STAT5A: variants seen among roughly 807,000 people sequenced by gnomAD.
STAT5A encodes the protein epididymis secretory sperm binding protein.
Under a neutral mutation model 100.2 loss-of-function variants are expected in STAT5A, and 26 were observed. That is an observed-to-expected ratio of 0.26 (90% CI 0.19 to 0.36). The LOEUF (loss-of-function observed/expected upper bound fraction) is 0.36, where lower values mean the gene tolerates loss of function less well. Ranked by LOEUF, STAT5A falls within the 10% of genes least tolerant of loss-of-function variation. The probability of loss-of-function intolerance (pLI) is 1.00; values close to 1 mark genes in which losing one functional copy is unlikely to be tolerated. For synonymous variants in STAT5A, 330 were observed against 424.3 expected (o/e 0.78, Z 2.73); for missense variants, 634 against 1,027.5 (o/e 0.62, Z 5.24).
chr17:42,309,514 G>A (rs768446298), intron 18 of STAT5A, 30 bp downstream of exon 18: 1 of 1,605,112 alleles, frequency 6.2e-7, no homozygotes, highest in South Asian at 1.1e-5. Context: ...GGTCCGCAGG[G>A]GAAGAACTGG....
Position 42,305,615 on chromosome 17 carries a change from G to A in STAT5A, c.1386G>A (p.Leu462=), listed in dbSNP as rs1414496377. The A allele has an allele frequency of 8.7e-6, 14 of 1,614,172 alleles. No homozygotes were observed. The highest frequency in any genetic ancestry group is 6.7e-5 in the African/African-American group (5 of 75,052). ...GGTTCCTTTGACTCCTGTAGACTCT[G>A]TCCCTACCTGTGGTTGTCATCGTCC... ...SNELVFQVKT[L]SLPVVVIVHG... Residue 462 remains leucine, a synonymous_variant, in exon 12 of 19, where the codon CTG becomes CTA. Coordinates refer to ENST00000590949, the MANE Select transcript of STAT5A (RefSeq NM_001288718.2).
intron 5 of STAT5A, 109 bp downstream of exon 5, chr17:42,295,902 C>T (rs2080914378): frequency 1.3e-6 from 2 of 1,501,428 alleles, no homozygotes; most frequent in African/African-American, 2.8e-5. Flanking sequence ...GCACTTTGCC[C>T]AAAGCCTGGT....
intron 3 of STAT5A, among the ~76,000 whole-genome samples, chr17:42,291,641 G>A (rs528982587): frequency 5.9e-5 from 9 of 152,078 alleles, no homozygotes; most frequent in East Asian, 3.9e-4. Context: ...GCTTGAACCC[G>A]GGAGGTGGAG....
rs1169943399 is a variant in STAT5A, at chr17:42,302,659, C to T, written c.1169+1205C>T. ...ATTAAAAATGTTTACTGAGGCTGGG[C>T]GAGGTGGCTCACGCCTGTAATCCCA... On this transcript the variant is annotated intron_variant, in intron 9 of 18. Transcript: ENST00000590949. Among the ~76,000 whole-genome samples the T allele has an allele frequency of 1.2e-4, 18 of 152,150 alleles. 1 individual carries two copies. Among genetic ancestry groups the T allele is most frequent in the Admixed American group, 1.1e-3 (17 of 15,272 alleles).
chr17:42,310,229 T>C (rs529453056), intron 18 of STAT5A, among the ~76,000 whole-genome samples: 1 of 152,396 alleles, frequency 6.6e-6, no homozygotes, highest in Admixed American at 6.5e-5. Flanking sequence ...CAGAGCCCAC[T>C]GTGTCAGCCA....
At chr17:42,298,250 C>T (rs1477162155) in intron 5 of STAT5A, among the ~76,000 whole-genome samples, 6 of 151,618 alleles carry the variant, frequency 4.0e-5, no homozygotes, top group Non-Finnish European at 7.4e-5. Context: ...CAACCTTTAA[C>T]CCCGGGTTCA....
At position 42,310,493 on chromosome 17, in the gene STAT5A, CCT is replaced by C. The variant is rs780571788; in HGVS notation, c.2223-13_2223-12del. On this transcript the variant is annotated splice_polypyrimidine_tract_variant and intron_variant, in intron 18 of 18. Coordinates refer to ENST00000590949, the MANE Select transcript of STAT5A (RefSeq NM_001288718.2). ...ACATGCCAGCTCCCTCTGACATCCC[CCT>C]GTCTTTACCAGCCCTGACCATGTAC... is the stretch of plus-strand genomic sequence containing the variant. 4.0e-5 allele frequency: 65 copies of C among 1,613,890 alleles called. No individual in the cohort carries two copies. The highest frequency in any genetic ancestry group is 1.6e-4 in the Middle Eastern group (1 of 6,084).
At chr17:42,310,418 TGAGTG>T in intron 18 of STAT5A, 84 bp from the exon 19 acceptor site, 1 of 1,455,360 alleles carries the variant, frequency 6.9e-7, no homozygotes, top group Non-Finnish European at 9.5e-7. Flanking sequence ...GAGACGGGTT[TGAGTG>T]GAGAGCAGGC....
intron 7 of STAT5A, 24 bp from the exon 8 acceptor site, chr17:42,300,691 G>A (rs368411648): frequency 5.0e-6 from 8 of 1,613,704 alleles, no homozygotes; most frequent in East Asian, 2.2e-5. Context: ...TTGTCCTCCT[G>A]TTGGCCTTGG....
chr17:42,298,969 A>G (rs8068688), intron 5 of STAT5A, among the ~76,000 whole-genome samples: 32,804 of 150,210 alleles, frequency 0.22, 5,973 homozygotes, highest in African/African-American at 0.49. Context: ...CGGTCTGTCT[A>G]TCTGTCTGTC....
rs74875201 is a variant in STAT5A at position 42,288,996 on chromosome 17, G to C, written c.-11+398G>C. On this transcript the variant is annotated intron_variant, in intron 1 of 18. Coordinates refer to ENST00000590949, the MANE Select transcript of STAT5A (RefSeq NM_001288718.2). The surrounding 1 kb of genome is among the most constrained non-coding windows in gnomAD (Gnocchi z 4.8). ...GCCGTCGTGGCGCTGGCCTAACTTC[G>C]GGTTGGAATATCTCCCCTTCCCAGA... Among the ~76,000 whole-genome samples the C allele has an allele frequency of 1.3e-5, 2 of 152,222 alleles. No individual in the cohort carries two copies. The highest frequency in any genetic ancestry group is 4.8e-5 in the African/African-American group (2 of 41,460).
intron 4 of STAT5A, among the ~76,000 whole-genome samples, 173 bp downstream of exon 4, chr17:42,292,234 C>T (rs1036894170): frequency 6.6e-6 from 1 of 152,180 alleles, no homozygotes; most frequent in Admixed American, 6.5e-5. Flanking sequence ...GAGTGACCCC[C>T]TGGATCCAGT....
rs780375123 is a variant in STAT5A at position 42,289,452 on chromosome 17, C to T, written c.41C>T (p.Ala14Val). The change falls in exon 2 of 19, where the codon GCG (alanine) becomes GTG (valine). Residue 14 changes from alanine (A) to valine (V), a missense_variant. Ala to Val is a moderately conservative substitution (Grantham distance 64). Coordinates refer to ENST00000590949, the MANE Select transcript of STAT5A (RefSeq NM_001288718.2). ...CAGGCCCAGCAGCTGCAGGGAGACGCGCTGCGCCAGATGCAGGTGCTGTAC... is the reference window on the plus strand; with the variant it reads ...CAGGCCCAGCAGCTGCAGGGAGACGTGCTGCGCCAGATGCAGGTGCTGTAC... ...WIQAQQLQGDALRQMQVLYGQ... is the reference protein window; with the variant it reads ...WIQAQQLQGDVLRQMQVLYGQ... 1.9e-6 allele frequency: 3 copies of T among 1,612,948 alleles called. No homozygotes were observed. The highest frequency in any genetic ancestry group is 2.2e-5 in the East Asian group (1 of 44,852).
intron 4 of STAT5A, 90 bp from the exon 5 acceptor site, chr17:42,295,529 T>C: frequency 7.1e-7 from 1 of 1,415,744 alleles, no homozygotes; most frequent in East Asian, 2.5e-5. Context: ...GGGTTTGGGG[T>C]TTGGGGTCTG....
chr17:42,299,107 G>A (rs1374063131), intron 5 of STAT5A, among the ~76,000 whole-genome samples: 2 of 152,150 alleles, frequency 1.3e-5, no homozygotes, highest in African/African-American at 4.8e-5. Context: ...AGACAGAGCC[G>A]CCGGGGCTGG....
intron 13 of STAT5A, among the ~76,000 whole-genome samples, chr17:42,306,718 A>C (rs906886046): frequency 7.3e-5 from 11 of 151,338 alleles, no homozygotes; most frequent in African/African-American, 2.7e-4. Context: ...TGTGTTTGCT[A>C]ATTTTCTTTT....
chr17:42,289,083 C>T (rs565975631), intron 1 of STAT5A: 15 of 246,352 alleles, frequency 6.1e-5, no homozygotes, highest in African/African-American at 3.3e-4. Context: ...TGTGGGCCTC[C>T]CGCCGTCAAG....
At chr17:42,291,163 C>T (rs928250310) in intron 3 of STAT5A, among the ~76,000 whole-genome samples, 2 of 152,184 alleles carry the variant, frequency 1.3e-5, no homozygotes, top group South Asian at 2.1e-4. Flanking sequence ...AACCTAGATC[C>T]CTCGCATGTG....
In STAT5A at chr17:42,304,137, A is replaced by G. The variant is rs2081006158; in HGVS notation, c.1170-205A>G. 3.4e-6 allele frequency: 2 copies of G among 589,804 alleles called. No homozygotes were observed. Among genetic ancestry groups the G allele is most frequent in the Non-Finnish European group, 6.1e-6 (2 of 330,564 alleles). 36.5% of individuals were successfully genotyped at this position (589,804 alleles called of 1,614,324 possible). A position where few individuals can be genotyped will look rare whatever the true frequency, so the allele number is the denominator to read the frequency against. On this transcript the variant is annotated intron_variant, in intron 9 of 18. Coordinates refer to ENST00000590949, the MANE Select transcript of STAT5A (RefSeq NM_001288718.2). This position sits in a 1 kb window ranked among gnomAD's most constrained non-coding sequence, Gnocchi z 4.8. ...TCTAATGATAGATCCAGACCTCACC[A>G]CTGGAGACCTTGCCTTGGGTGCTGG...
Sources: gnomAD v4.1 joint callset for allele counts (sites outside exome capture counted in the v4.1 genomes callset) on GRCh38, gnomAD v4.1.1 for gene constraint, Gnocchi (gnomAD v3.1) non-coding constraint, MANE v1.5 for transcripts, NCBI Gene and HGNC (gene_info 2026-07-23, HGNC 2026-07-21) for gene names.